CEP85: variants seen among roughly 807,000 people sequenced by gnomAD.
The protein encoded by CEP85 is centrosomal protein of 85 kDa.
In CEP85, 58 loss-of-function variants were observed where a neutral mutation model predicts 93.7. That is an observed-to-expected ratio of 0.62 (90% CI 0.50 to 0.77). The LOEUF (loss-of-function observed/expected upper bound fraction) is 0.77, where lower values mean the gene tolerates loss of function less well. Ranked by LOEUF, CEP85 falls within the 30% of genes least tolerant of loss-of-function variation. The pLI is 0.00. For synonymous variants in CEP85, 314 were observed against 338.6 expected (o/e 0.93, Z 0.80); for missense variants, 868 against 922.0 (o/e 0.94, Z 0.76).
At chr1:26,240,774 A>T (rs536688692) in intron 2 of CEP85, among the ~76,000 whole-genome samples, 1 of 152,108 alleles carries the variant, frequency 6.6e-6, no homozygotes, top group African/African-American at 2.4e-5. Flanking sequence ...ATGTGCCTAT[A>T]ATAATCCCAG....
intron 3 of CEP85, chr1:26,254,888 A>T: frequency 1.0e-5 from 4 of 392,466 alleles, no homozygotes; most frequent in Non-Finnish European, 1.4e-5. Flanking sequence ...AAAGTTTTTC[A>T]GCTTTGTCTG....
intron 4 of CEP85, among the ~76,000 whole-genome samples, chr1:26,256,600 CTTTT>C (rs771960691): frequency 3.1e-5 from 4 of 127,122 alleles, no homozygotes; most frequent in Non-Finnish European, 3.4e-5. Context: ...TTTGTATTTT[CTTTT>C]TTTTTTTTTT....
intron 1 of CEP85, among the ~76,000 whole-genome samples, chr1:26,238,129 A>G (rs2089356948): frequency 6.6e-6 from 1 of 150,906 alleles, no homozygotes; most frequent in Non-Finnish European, 1.5e-5. Context: ...ACTAAAGTAC[A>G]TTAGAGAAAT....
chr1:26,252,268 C>T (rs1023985151), intron 3 of CEP85, among the ~76,000 whole-genome samples: 3 of 151,460 alleles, frequency 2.0e-5, no homozygotes, highest in African/African-American at 4.9e-5. Flanking sequence ...GGCAGTGGCT[C>T]ACACCTGTAA....
At chr1:26,274,887 C>G in intron 11 of CEP85, 77 bp from the exon 12 acceptor site, 1 of 1,190,960 alleles carries the variant, frequency 8.4e-7, no homozygotes, top group Non-Finnish European at 1.2e-6. Context: ...CTATATAGTC[C>G]AAGCCAGCGG....
rs1332586932 is a variant in CEP85 at position 26,278,138 on chromosome 1, C to T, written c.*845C>T. ...CTGTCAAGCTGCTTACCCCCTCACC[C>T]AGGGCTACAGCCTGTGCCCAGCCCT... On this transcript the variant is annotated 3_prime_UTR_variant, in exon 14 of 14. Coordinates refer to ENST00000451429, the MANE Select transcript of CEP85 (RefSeq NM_001319944.2). 1 of 152,714 alleles carries T rather than the reference C, an allele frequency of 6.5e-6. No homozygotes were observed. Among genetic ancestry groups the T allele is most frequent in the Non-Finnish European group, 1.5e-5 (1 of 68,106 alleles). The allele number at this position is 152,714 out of a possible 1,614,324, so 9.5% of individuals were successfully genotyped here. A position where few individuals can be genotyped will look rare whatever the true frequency, so the allele number is the denominator to read the frequency against.
intron 7 of CEP85, among the ~76,000 whole-genome samples, chr1:26,263,824 T>A (rs1414311729): frequency 6.6e-6 from 1 of 152,208 alleles, no homozygotes; most frequent in Non-Finnish European, 1.5e-5. Context: ...GTTCCACTTG[T>A]ACGTGTATTT....
intron 12 of CEP85, among the ~76,000 whole-genome samples, chr1:26,275,283 G>GT (rs369648487): frequency 0.16 from 22,900 of 140,472 alleles, 1,981 homozygotes; most frequent in African/African-American, 0.23. Context: ...ACCTAGGAAG[G>GT]TTTTTTTTTT....
In CEP85 at chr1:26,250,914, CT is replaced by C. The variant is rs1246918932; in HGVS notation, c.209-4247del. Among the ~76,000 whole-genome samples, 179 of 116,916 alleles carry C rather than the reference CT, an allele frequency of 1.5e-3. 3 individuals are homozygous for C. Among genetic ancestry groups the C allele is most frequent in the African/African-American group, 4.4e-3 (134 of 30,126 alleles). The allele number at this position is 116,916 out of a possible 152,430, so 76.7% of individuals were successfully genotyped here. A position where few individuals can be genotyped will look rare whatever the true frequency, so the allele number is the denominator to read the frequency against. ...GACCACTAGAGTGAGCCAAGCTTGC[CT>C]TTTTTTTTTCTTTTTTCTTTTTTTT... On this transcript the variant is annotated intron_variant, in intron 3 of 13. Transcript: ENST00000451429.
intron 2 of CEP85, among the ~76,000 whole-genome samples, chr1:26,241,243 A>ATTTTTTTTTTTTTTTTT (rs1433524136): frequency 1.9e-4 from 12 of 61,826 alleles, no homozygotes; most frequent in African/African-American, 6.1e-4. Flanking sequence ...CATTCAGCAG[A>ATTTTTTTTTTTTTTTTT]ATTTTTTTTT....
chr1:26,275,016 A>G lies in CEP85; in HGVS notation c.1847A>G (p.Glu616Gly). ...GAAGGAACAAGCCAGGCCCTGAGAG[A>G]GGAGGCCCAGCGAAGGGATTCAGCC... is the stretch of plus-strand genomic sequence containing the variant. ...QEEGTSQALR[E>G]EAQRRDSALQ... Residue 616 changes from glutamate to glycine, a missense_variant, in exon 12 of 14, where the codon GAG (glutamate) becomes GGG (glycine). Physicochemically the swap from Glu to Gly is moderately conservative, Grantham distance 98. Coordinates refer to ENST00000451429, the MANE Select transcript of CEP85 (RefSeq NM_001319944.2). 1.9e-6 allele frequency: 3 copies of G among 1,587,614 alleles called. No individual in the cohort carries two copies. The highest frequency in any genetic ancestry group is 2.6e-6 in the Non-Finnish European group (3 of 1,166,954).
chr1:26,268,493 G>C lies in CEP85; in HGVS notation c.1352G>C (p.Arg451Pro), dbSNP rs371564484. Residue 451 changes from arginine to proline, a missense_variant, in exon 8 of 14, where the codon CGT becomes CCT. Physicochemically the swap from Arg to Pro is moderately radical, Grantham distance 103. Transcript: ENST00000451429. Reference sequence around the variant, plus strand: ...CATTTATTTTCCTAGGTCAAAGGTCGTGATAAACATATCAATAATTTGAAA... The same window carrying C: ...CATTTATTTTCCTAGGTCAAAGGTCCTGATAAACATATCAATAATTTGAAA... Reference protein sequence around the residue: ...VKKQEERVKGRDKHINNLKKK... With the variant: ...VKKQEERVKGPDKHINNLKKK... 5 of 1,613,954 alleles carry C rather than the reference G, an allele frequency of 3.1e-6. No individual in the cohort carries two copies. Among genetic ancestry groups the C allele is most frequent in the Non-Finnish European group, 4.2e-6 (5 of 1,179,980 alleles).
rs1553159974 is a variant in CEP85, at chr1:26,256,928, G to GGGGTGTGTGTGT, written c.904-668_904-667insGGTGTGTGTGTG. Among the ~76,000 whole-genome samples the GGGGTGTGTGTGT allele has an allele frequency of 1.3e-3, 148 of 111,490 alleles. 1 individual carries two copies. Among genetic ancestry groups the GGGGTGTGTGTGT allele is most frequent in the African/African-American group, 4.7e-3 (139 of 29,590 alleles). The allele number at this position is 111,490 out of a possible 152,430, so 73.1% of individuals were successfully genotyped here. On this transcript the variant is annotated intron_variant, in intron 4 of 13. Transcript: ENST00000451429. ...TCCTTTTTTTGTTTTGTTTTGTTTT[G>GGGGTGTGTGTGT]GTGTGTGTGTGTGTGTGTGTGTGTG...
intron 7 of CEP85, among the ~76,000 whole-genome samples, chr1:26,264,460 G>T (rs1408713528): frequency 6.6e-6 from 1 of 152,186 alleles, no homozygotes; most frequent in Non-Finnish European, 1.5e-5. Flanking sequence ...TTGAACCTGG[G>T]AGGTGGAGGT....
chr1:26,262,314 A>C (rs909693716), intron 7 of CEP85, among the ~76,000 whole-genome samples: 15 of 151,872 alleles, frequency 9.9e-5, no homozygotes, highest in African/African-American at 3.4e-4. Flanking sequence ...CTCAAAAAAA[A>C]ACAAAATGCA....
chr1:26,265,181 G>C (rs1479506551), intron 7 of CEP85, among the ~76,000 whole-genome samples: 1 of 151,780 alleles, frequency 6.6e-6, no homozygotes, highest in African/African-American at 2.4e-5. Flanking sequence ...ACAGGATTTT[G>C]CCATGTTGAC....
chr1:26,239,174 G>A (rs2050475), intron 1 of CEP85, among the ~76,000 whole-genome samples: 133,152 of 152,110 alleles, frequency 0.88, 59,238 homozygotes, highest in Non-Finnish European at 0.93. Context: ...TTCTAGGACC[G>A]TATGGAATCT....
chr1:26,276,871 C>A, intron 13 of CEP85, 111 bp downstream of exon 13: 2 of 881,506 alleles, frequency 2.3e-6, no homozygotes, highest in Non-Finnish European at 3.5e-6. Flanking sequence ...AGTACATAGT[C>A]CTGGCCACTG....
intron 1 of CEP85, among the ~76,000 whole-genome samples, 164 bp downstream of exon 1, chr1:26,234,474 T>C (rs553447570): frequency 6.6e-6 from 1 of 152,282 alleles, no homozygotes; most frequent in East Asian, 1.9e-4. Context: ...GCATACGCCC[T>C]CTCGCGTCCC....
Sources: allele counts gnomAD v4.1 joint callset (sites outside exome capture counted in the v4.1 genomes callset), GRCh38; gene constraint gnomAD v4.1.1; transcripts MANE v1.5; gene names NCBI Gene and HGNC (gene_info 2026-07-23, HGNC 2026-07-21).